GRB10: variants seen among roughly 807,000 people sequenced by gnomAD.
GRB10 encodes growth factor receptor bound protein 10, also known as growth factor receptor-bound protein 10.
In GRB10, 20 loss-of-function variants were observed where a neutral mutation model predicts 80.9. That is an observed-to-expected ratio of 0.25 (90% CI 0.17 to 0.36). The LOEUF (loss-of-function observed/expected upper bound fraction) is 0.36. Among genes scored for constraint, GRB10 ranks in the 10% least tolerant of loss-of-function variants. The probability of loss-of-function intolerance (pLI) is 1.00; values close to 1 mark genes in which losing one functional copy is unlikely to be tolerated. For missense variants in GRB10, 548 were observed against 747.7 expected (o/e 0.73, Z 3.12); for synonymous variants, 291 against 291.5 (o/e 1.00, Z 0.02).
At chr7:50,623,425 G>GCCACCTGA (rs2052257130) in intron 8 of GRB10, among the ~76,000 whole-genome samples, 1 of 152,222 alleles carries the variant, frequency 6.6e-6, no homozygotes, top group African/African-American at 2.4e-5. Context: ...GCTGGGAAGG[G>GCCACCTGA]CCACCTGACC....
At chr7:50,631,342 G>A (rs1466482627) in intron 7 of GRB10, among the ~76,000 whole-genome samples, 1 of 151,990 alleles carries the variant, frequency 6.6e-6, no homozygotes, top group East Asian at 1.9e-4. Flanking sequence ...CTGGACAGAC[G>A]GCCCAGCCTC....
chr7:50,713,337 C>A (rs1253645363), intron 4 of GRB10, among the ~76,000 whole-genome samples: 3 of 152,034 alleles, frequency 2.0e-5, no homozygotes, highest in Non-Finnish European at 4.4e-5. Flanking sequence ...CTTCCCACCA[C>A]CTCCTTCCAT....
chr7:50,669,602 G>A lies in GRB10; in HGVS notation c.504+120C>T, dbSNP rs1233972485. ...GTACTGTGACAACAAGAAAAGAACT[G>A]AGAGAGAAGATCCCAGGACTTCCCG... On this transcript the variant is annotated intron_variant, in intron 7 of 18. Coordinates refer to ENST00000401949, the MANE Select transcript of GRB10 (RefSeq NM_001350814.2). 13 of 950,644 alleles carry A rather than the reference G, an allele frequency of 1.4e-5. No individual in the cohort carries two copies. The East Asian group carries it at 3.3e-4, about 24-fold the overall frequency. The allele number at this position is 950,644 out of a possible 1,614,324, so 58.9% of individuals were successfully genotyped here.
At chr7:50,606,008 G>A (rs1209782731) in intron 14 of GRB10, among the ~76,000 whole-genome samples, 1 of 152,192 alleles carries the variant, frequency 6.6e-6, no homozygotes, top group Non-Finnish European at 1.5e-5. Flanking sequence ...AAGGTTTAAG[G>A]AACAAAAGCG....
At chr7:50,717,845 G>A (rs78983910) in intron 4 of GRB10, among the ~76,000 whole-genome samples, 57 of 152,324 alleles carry the variant, frequency 3.7e-4, no homozygotes, top group Admixed American at 5.9e-4. Flanking sequence ...TACACAGATC[G>A]GTTCACCCTG....
intron 4 of GRB10, among the ~76,000 whole-genome samples, chr7:50,731,626 G>C (rs1002181624): frequency 6.6e-6 from 1 of 152,198 alleles, no homozygotes; most frequent in South Asian, 2.1e-4. Flanking sequence ...TACACCAAGT[G>C]AAAGTTCAAA....
intron 2 of GRB10, among the ~76,000 whole-genome samples, chr7:50,759,898 G>A (rs994893911): frequency 6.6e-6 from 1 of 152,040 alleles, no homozygotes; most frequent in Non-Finnish European, 1.5e-5. Context: ...CGGACACCCC[G>A]GGAGCAGCTT....
chr7:50,657,343 C>A (rs2058744970), intron 7 of GRB10, among the ~76,000 whole-genome samples: 1 of 152,136 alleles, frequency 6.6e-6, no homozygotes, highest in South Asian at 2.1e-4. Context: ...AAGAAGAAAG[C>A]AATGTTGCTT....
chr7:50,747,614 G>C (rs2073198841), intron 3 of GRB10: 1 of 152,146 alleles, frequency 6.6e-6, no homozygotes, highest in Non-Finnish European at 1.5e-5. Flanking sequence ...CCAACGCTGA[G>C]AGAAATGGCA....
intron 3 of GRB10, among the ~76,000 whole-genome samples, chr7:50,749,994 T>C (rs1434799244): frequency 6.6e-6 from 1 of 152,236 alleles, no homozygotes; most frequent in Non-Finnish European, 1.5e-5. Flanking sequence ...GGACAGACTG[T>C]AACAGCCTGT....
At chr7:50,665,823 C>T (rs953847476) in intron 7 of GRB10, among the ~76,000 whole-genome samples, 2 of 152,192 alleles carry the variant, frequency 1.3e-5, no homozygotes, top group African/African-American at 4.8e-5. Flanking sequence ...GGTGACATCC[C>T]AGCACGTGGA....
chr7:50,731,431 A>G (rs1039579146), intron 4 of GRB10, among the ~76,000 whole-genome samples: 1 of 152,202 alleles, frequency 6.6e-6, no homozygotes, highest in Non-Finnish European at 1.5e-5. Context: ...AAAGAAGTGC[A>G]AAAAGCTGAC....
intron 7 of GRB10, chr7:50,645,753 C>A (rs964713933): frequency 8.1e-6 from 3 of 370,482 alleles, no homozygotes; most frequent in African/African-American, 4.4e-5. Context: ...ACTACAGAAA[C>A]AGCCAATCAA....
intron 7 of GRB10, among the ~76,000 whole-genome samples, chr7:50,651,959 T>C (rs1360777759): frequency 6.6e-6 from 1 of 152,260 alleles, no homozygotes; most frequent in African/African-American, 2.4e-5. Context: ...CGACCCTCAC[T>C]GGACGCCCAG....
chr7:50,774,704 T>G (rs2077391722), intron 2 of GRB10, among the ~76,000 whole-genome samples: 1 of 152,174 alleles, frequency 6.6e-6, no homozygotes, highest in Non-Finnish European at 1.5e-5. Flanking sequence ...TCCCCCAAAT[T>G]TATGTCTTTC....
intron 7 of GRB10, among the ~76,000 whole-genome samples, chr7:50,664,515 T>C (rs1188718899): frequency 6.6e-6 from 1 of 152,164 alleles, no homozygotes; most frequent in Non-Finnish European, 1.5e-5. Flanking sequence ...CAGGATTGTC[T>C]GGCACCTGGC....
chr7:50,778,302 G>C (rs1334421477), intron 2 of GRB10, among the ~76,000 whole-genome samples: 1 of 152,288 alleles, frequency 6.6e-6, no homozygotes, highest in African/African-American at 2.4e-5. Flanking sequence ...AGCTCCTGTA[G>C]TATCTAAAAC....
At chr7:50,654,027 T>C (rs948571907) in intron 7 of GRB10, among the ~76,000 whole-genome samples, 1 of 152,188 alleles carries the variant, frequency 6.6e-6, no homozygotes, top group African/African-American at 2.4e-5. Context: ...ATGCTGAGGC[T>C]CAAGGGCTGA....
chr7:50,765,212 G>C (rs1371527377), intron 2 of GRB10, among the ~76,000 whole-genome samples: 1 of 152,210 alleles, frequency 6.6e-6, no homozygotes, highest in African/African-American at 2.4e-5. Flanking sequence ...CCTATACTCT[G>C]CCGGTGGGAA....
Sources: allele counts gnomAD v4.1 joint callset (sites outside exome capture counted in the v4.1 genomes callset), GRCh38; gene constraint gnomAD v4.1.1; transcripts MANE v1.5; gene names NCBI Gene and HGNC (gene_info 2026-07-23, HGNC 2026-07-21).